The following TMEM117 variants were observed in gnomAD, a reference collection of about 807,000 sequenced individuals.
TMEM117 encodes the protein transmembrane protein 117.
A neutral mutation model predicts 52.4 loss-of-function variants in TMEM117; 27 were observed. The observed-to-expected ratio is 0.51, with a 90% CI of 0.38 to 0.71. The LOEUF (loss-of-function observed/expected upper bound fraction) is 0.71. Ranked by LOEUF, TMEM117 falls within the 30% of genes least tolerant of loss-of-function variation. TMEM117 has a pLI of 0.00. For missense variants in TMEM117, 556 were observed against 630.5 expected (o/e 0.88, Z 1.26); for synonymous variants, 215 against 206.3 (o/e 1.04, Z -0.36).
chr12:44,027,201 T>C (rs1946555648), intron 3 of TMEM117, among the ~76,000 whole-genome samples: 1 of 144,508 alleles, frequency 6.9e-6, no homozygotes, highest in Non-Finnish European at 1.5e-5. Flanking sequence ...TTTATTTTAA[T>C]TAGAGATGGA....
At chr12:44,263,226 A>C (rs1950340536) in intron 5 of TMEM117, among the ~76,000 whole-genome samples, 1 of 152,190 alleles carries the variant, frequency 6.6e-6, no homozygotes, top group Non-Finnish European at 1.5e-5. Flanking sequence ...TGTTTCTTTA[A>C]TGTGGTCAAA....
At chr12:44,048,402 T>C (rs2137917450) in intron 3 of TMEM117, among the ~76,000 whole-genome samples, 1 of 152,284 alleles carries the variant, frequency 6.6e-6, no homozygotes, top group Middle Eastern at 3.4e-3. Context: ...TTGCATTTGT[T>C]TTACTGTTAT....
chr12:43,862,972 A>G (rs1943516176), intron 2 of TMEM117, among the ~76,000 whole-genome samples: 1 of 150,088 alleles, frequency 6.7e-6, no homozygotes, highest in South Asian at 2.1e-4. Flanking sequence ...TCTCAAACTG[A>G]AAAACAAACA....
the TMEM117 span, among the ~76,000 whole-genome samples, chr12:43,823,611 G>A: frequency 6.6e-6 from 1 of 152,082 alleles, no homozygotes; most frequent in Non-Finnish European, 1.5e-5. Flanking sequence ...CCAGGTTCAA[G>A]CCTCAGGCTC....
the TMEM117 span, among the ~76,000 whole-genome samples, chr12:43,805,188 C>A: frequency 6.6e-6 from 1 of 152,118 alleles, no homozygotes; most frequent in Non-Finnish European, 1.5e-5. Flanking sequence ...TAATTTCGTT[C>A]CTGTGTTGTC....
At chr12:44,082,872 CATATGTAT>C (rs1318523808) in intron 3 of TMEM117, among the ~76,000 whole-genome samples, 4 of 151,816 alleles carry the variant, frequency 2.6e-5, no homozygotes, top group Non-Finnish European at 4.4e-5. Context: ...AGTTTTATGT[CATATGTAT>C]ATATGTATAT....
Position 44,313,925 on chromosome 12 carries a change from A to T in TMEM117, c.768+14186A>T, listed in dbSNP as rs559687687. Among the ~76,000 whole-genome samples the T allele has an allele frequency of 5.3e-5, 8 of 152,170 alleles. No individual in the cohort carries two copies. The South Asian group carries it at 1.7e-3, about 32-fold the overall frequency. On this transcript the variant is annotated intron_variant, in intron 6 of 7. Coordinates refer to ENST00000266534, the MANE Select transcript of TMEM117 (RefSeq NM_032256.3). ...AGCTTGAACCTCTTTGGTGTATAGA[A>T]ATGGTACTGATTTTTATATGCTGAT...
At chr12:43,889,371 C>G (rs190061292) in intron 2 of TMEM117, among the ~76,000 whole-genome samples, 1 of 152,348 alleles carries the variant, frequency 6.6e-6, no homozygotes, top group Admixed American at 6.5e-5. Flanking sequence ...GTGTGAGCCA[C>G]CGAGCCTGGC....
chr12:44,181,975 C>T (rs1290051691), intron 4 of TMEM117, among the ~76,000 whole-genome samples: 2 of 152,054 alleles, frequency 1.3e-5, no homozygotes, highest in Non-Finnish European at 2.9e-5. Context: ...ATTGATTCTT[C>T]CTACCCATGA....
At chr12:44,170,090 T>C (rs1949023651) in intron 4 of TMEM117, among the ~76,000 whole-genome samples, 1 of 151,978 alleles carries the variant, frequency 6.6e-6, no homozygotes, top group South Asian at 2.1e-4. Flanking sequence ...GTGGCACATA[T>C]ACACCATAGA....
intron 3 of TMEM117, among the ~76,000 whole-genome samples, chr12:44,139,155 A>G (rs1488331968): frequency 6.6e-6 from 1 of 152,120 alleles, no homozygotes; most frequent in Non-Finnish European, 1.5e-5. Flanking sequence ...CTGGCCACAG[A>G]TGGTTTTTCA....
intron 4 of TMEM117, among the ~76,000 whole-genome samples, chr12:44,200,356 C>T (rs1034736180): frequency 7.2e-5 from 11 of 151,996 alleles, no homozygotes; most frequent in Admixed American, 1.3e-4. Flanking sequence ...TCTCCTATTA[C>T]ATTTATTTTA....
chr12:44,198,810 G>T (rs1203357654), intron 4 of TMEM117, among the ~76,000 whole-genome samples: 1 of 152,100 alleles, frequency 6.6e-6, no homozygotes, highest in Non-Finnish European at 1.5e-5. Context: ...GGGCACCATA[G>T]TTTTCTTATC....
At chr12:44,058,841 C>G (rs761465364) in intron 3 of TMEM117, among the ~76,000 whole-genome samples, 3 of 151,970 alleles carry the variant, frequency 2.0e-5, no homozygotes, top group Non-Finnish European at 4.4e-5. Context: ...TCAGAGAAAT[C>G]AACTGAAAGA....
chr12:43,984,264 A>G (rs1945808722), intron 3 of TMEM117, among the ~76,000 whole-genome samples: 1 of 152,044 alleles, frequency 6.6e-6, no homozygotes, highest in East Asian at 1.9e-4. Flanking sequence ...GCTATTCGGG[A>G]GGCTGAGGCA....
chr12:43,878,460 C>G (rs1943841266), intron 2 of TMEM117, among the ~76,000 whole-genome samples: 1 of 151,888 alleles, frequency 6.6e-6, no homozygotes, highest in Non-Finnish European at 1.5e-5. Flanking sequence ...GATGAAATAG[C>G]AAAAATGTTT....
At chr12:43,938,421 A>G (rs1944988964) in intron 2 of TMEM117, among the ~76,000 whole-genome samples, 1 of 152,006 alleles carries the variant, frequency 6.6e-6, no homozygotes, top group Non-Finnish European at 1.5e-5. Flanking sequence ...CAAAAGCGTT[A>G]TCTTTTCATC....
At chr12:44,092,569 G>A (rs1947692529) in intron 3 of TMEM117, among the ~76,000 whole-genome samples, 1 of 152,042 alleles carries the variant, frequency 6.6e-6, no homozygotes, top group South Asian at 2.1e-4. Flanking sequence ...AACACCTCTC[G>A]CCCACACATA....
At chr12:43,926,127 C>T (rs1422132829) in intron 2 of TMEM117, among the ~76,000 whole-genome samples, 2 of 152,104 alleles carry the variant, frequency 1.3e-5, no homozygotes, top group Non-Finnish European at 2.9e-5. Context: ...TGAAGTTATT[C>T]GTTGCATACA....
Sources: allele counts gnomAD v4.1 joint callset (sites outside exome capture counted in the v4.1 genomes callset), GRCh38; gene constraint gnomAD v4.1.1; transcripts MANE v1.5; gene names NCBI Gene and HGNC (gene_info 2026-07-23, HGNC 2026-07-21).